SGCD: variants seen among roughly 807,000 people sequenced by gnomAD.
SGCD encodes sarcoglycan delta.
In SGCD, 18 loss-of-function variants were observed where a neutral mutation model predicts 36.6. The ratio of observed to expected loss-of-function variants is 0.49; its 90% CI spans 0.34 to 0.73. SGCD has a LOEUF of 0.73. SGCD is among the 30% of genes least tolerant of loss of function. The pLI is 0.01. For synonymous variants in SGCD, 133 were observed against 130.6 expected, an observed-to-expected ratio of 1.02 and a Z score of -0.12; for missense variants, 387 against 346.7, an observed-to-expected ratio of 1.12 and a Z score of -0.92.
At chr5:156,102,217 C>T (rs765366609) in intron 1 of SGCD, among the ~76,000 whole-genome samples, 7 of 151,646 alleles carry the variant, frequency 4.6e-5, no homozygotes, top group Non-Finnish European at 8.8e-5. Context: ...AAAGAGTTGC[C>T]TTGGTAACCT....
Position 156,312,568 on chromosome 5 carries a change from A to G in SGCD, c.-43-16966A>G, listed in dbSNP as rs148622822. ...CATTAATAGCAATGAGAAGCAGTTTAGCATAGCAATTAAGGACACAGACTT... is the reference window on the plus strand; with the variant it reads ...CATTAATAGCAATGAGAAGCAGTTTGGCATAGCAATTAAGGACACAGACTT... On this transcript the variant is annotated intron_variant, in intron 3 of 9. Coordinates refer to the SGCD transcript ENST00000517913. Among the ~76,000 whole-genome samples the G allele has an allele frequency of 1.6e-3, 239 of 152,306 alleles. 1 individual carries two copies. The highest frequency in any genetic ancestry group is 5.6e-3 in the African/African-American group (231 of 41,564).
intron 1 of SGCD, among the ~76,000 whole-genome samples, chr5:155,982,907 TA>T (rs1341509600): frequency 6.6e-6 from 1 of 151,996 alleles, no homozygotes; most frequent in Non-Finnish European, 1.5e-5. Flanking sequence ...CTAAGTTTTG[TA>T]GTTTCATTTC....
At chr5:155,973,806 T>G (rs1758052271) in intron 1 of SGCD, among the ~76,000 whole-genome samples, 2 of 151,942 alleles carry the variant, frequency 1.3e-5, no homozygotes, top group South Asian at 4.1e-4. Flanking sequence ...ATGGGGAGAG[T>G]GCTTGCAACT....
At chr5:156,173,431 T>G (rs1219442679) in intron 3 of SGCD, among the ~76,000 whole-genome samples, 1 of 152,142 alleles carries the variant, frequency 6.6e-6, no homozygotes, top group East Asian at 1.9e-4. Context: ...CTTTTTGTTC[T>G]TAACAAAAAT....
chr5:156,330,101 A>T (rs958628187), intron 2 of SGCD, among the ~76,000 whole-genome samples: 6 of 151,962 alleles, frequency 3.9e-5, no homozygotes, highest in Non-Finnish European at 5.9e-5. Context: ...AAATCCAAAA[A>T]TCTGAACTCT....
At chr5:156,483,468 G>C (rs1182916284) in intron 3 of SGCD, among the ~76,000 whole-genome samples, 1 of 152,220 alleles carries the variant, frequency 6.6e-6, no homozygotes, top group South Asian at 2.1e-4. Flanking sequence ...CATACTTGCA[G>C]TCAATGCTTA....
At chr5:156,029,363 A>C (rs138393126) in intron 1 of SGCD, among the ~76,000 whole-genome samples, 50 of 152,248 alleles carry the variant, frequency 3.3e-4, no homozygotes, top group Non-Finnish European at 5.3e-4. Flanking sequence ...CACACATACA[A>C]ACACACAAAC....
chr5:156,449,569 C>T (rs149384930), intron 3 of SGCD, among the ~76,000 whole-genome samples: 4 of 151,088 alleles, frequency 2.6e-5, no homozygotes, highest in Middle Eastern at 3.4e-3. Flanking sequence ...TGGTAGCTCA[C>T]GCCTGTAATC....
At chr5:156,400,026 T>C (rs1407644336) in intron 3 of SGCD, among the ~76,000 whole-genome samples, 9 of 152,080 alleles carry the variant, frequency 5.9e-5, no homozygotes, top group Admixed American at 5.9e-4. Flanking sequence ...TTACATGAAA[T>C]GGGGTGAGGA....
At chr5:156,216,916 T>TA (rs1476731900) in intron 3 of SGCD, among the ~76,000 whole-genome samples, 13 of 151,962 alleles carry the variant, frequency 8.6e-5, no homozygotes, top group African/African-American at 2.9e-4. Context: ...CCAACTCTAC[T>TA]AAAAATACAA....
chr5:155,750,660 G>A, the SGCD span, among the ~76,000 whole-genome samples: 1 of 152,160 alleles, frequency 6.6e-6, no homozygotes, highest in Non-Finnish European at 1.5e-5. Flanking sequence ...TCATAAAATA[G>A]ATATTTAAAA....
chr5:156,254,962 A>C (rs946476017), intron 3 of SGCD, among the ~76,000 whole-genome samples: 1 of 152,200 alleles, frequency 6.6e-6, no homozygotes, highest in Non-Finnish European at 1.5e-5. Flanking sequence ...ATAATCTGCA[A>C]CTTTTTGAAC....
the SGCD span, among the ~76,000 whole-genome samples, chr5:155,810,358 CTTG>C: frequency 6.6e-6 from 1 of 152,092 alleles, no homozygotes; most frequent in East Asian, 1.9e-4. Flanking sequence ...GGGATTCTTT[CTTG>C]TTCTTTTAAA....
At chr5:156,584,761 C>T (rs1345530697) in intron 4 of SGCD, among the ~76,000 whole-genome samples, 2 of 152,188 alleles carry the variant, frequency 1.3e-5, no homozygotes, top group Non-Finnish European at 2.9e-5. Context: ...TATATGGCCT[C>T]CTCCCACCAC....
At chr5:155,869,720 G>C (rs1755594592), upstream of SGCD, among the ~76,000 whole-genome samples, 1 of 152,038 alleles carries the variant, frequency 6.6e-6, no homozygotes, top group African/African-American at 2.4e-5. Flanking sequence ...TGTCCTGCGG[G>C]CCGGGCATGG....
At chr5:155,853,871 A>T in the SGCD span, among the ~76,000 whole-genome samples, 1,450 of 152,270 alleles carry the variant, frequency 9.5e-3, 24 homozygotes, top group African/African-American at 0.034. Context: ...CAAGGTTATG[A>T]CTACACCAAC....
At chr5:155,907,982 C>T (rs941344749) in intron 1 of SGCD, among the ~76,000 whole-genome samples, 3 of 152,098 alleles carry the variant, frequency 2.0e-5, no homozygotes, top group Admixed American at 2.0e-4. Context: ...AAGAAACTGC[C>T]ACAGCCACTC....
At chr5:156,733,008 T>C (rs904711242) in intron 7 of SGCD, among the ~76,000 whole-genome samples, 2 of 152,130 alleles carry the variant, frequency 1.3e-5, no homozygotes, top group African/African-American at 4.8e-5. Flanking sequence ...ATTAATTCTT[T>C]CAAAAAACCA....
chr5:155,985,761 C>T (rs1581027763), intron 1 of SGCD, among the ~76,000 whole-genome samples: 1 of 152,186 alleles, frequency 6.6e-6, no homozygotes, highest in African/African-American at 2.4e-5. Context: ...AATAATGGCA[C>T]TCTCACTCCA....
Sources: gnomAD v4.1 joint callset for allele counts (sites outside exome capture counted in the v4.1 genomes callset) on GRCh38, gnomAD v4.1.1 for gene constraint, MANE v1.5 for transcripts, NCBI Gene and HGNC (gene_info 2026-07-23, HGNC 2026-07-21) for gene names.